Variants in METTL22 observed in about 807,000 individuals in gnomAD.
The protein encoded by METTL22 is methyltransferase 22, Kin17 lysine.
In METTL22, 51 loss-of-function variants were observed where a neutral mutation model predicts 48.4. That is an observed-to-expected ratio of 1.05 (90% CI 0.84 to 1.33). The LOEUF is 1.33. Among genes scored for constraint, METTL22 ranks in the 40% most tolerant of loss-of-function variants. METTL22 has a pLI of 0.00. For synonymous variants in METTL22, 255 were observed against 214.1 expected (o/e 1.19, Z -1.67); for missense variants, 678 against 526.9 (o/e 1.29, Z -2.81).
At chr16:8,641,245 T>C (rs566627390) in intron 7 of METTL22, 61 bp downstream of exon 7, 1 of 1,531,484 alleles carries the variant, frequency 6.5e-7, no homozygotes, top group South Asian at 1.1e-5. Context: ...AATACCTCAG[T>C]GCCCCTGGCT....
At chr16:8,665,334 G>A in the METTL22 span, among the ~76,000 whole-genome samples, 1 of 151,982 alleles carries the variant, frequency 6.6e-6, no homozygotes, top group African/African-American at 2.4e-5. Flanking sequence ...GAGGCTGAGA[G>A]AGACAAATGC....
intron 7 of METTL22, 45 bp from the exon 8 acceptor site, chr16:8,642,082 G>A (rs2056634878): frequency 4.1e-6 from 6 of 1,473,182 alleles, no homozygotes; most frequent in African/African-American, 2.8e-5. Context: ...TTGGTGGCCA[G>A]GAGAGAAGGC....
rs1474974354 is a variant in METTL22, at chr16:8,641,354, C to G, written c.826+170C>G. On this transcript the variant is annotated intron_variant, in intron 7 of 10. Transcript: ENST00000381920. The stretch of plus-strand genomic sequence containing the variant: ...GCCGATGAGCACCAGCTGTCATTCT[C>G]TGAGCGCCTGCTGCATGCTGGGCAC... 5 of 719,022 alleles carry G rather than the reference C, an allele frequency of 7.0e-6. No individual in the cohort carries two copies. In the Admixed American group the frequency reaches 1.0e-4, roughly 14 times the overall value. The allele number at this position is 719,022 out of a possible 1,614,324, so 44.5% of individuals were successfully genotyped here.
At chr16:8,663,225 A>AAAAAAAAAAAAAAAAGT in the METTL22 span, among the ~76,000 whole-genome samples, 1 of 123,468 alleles carries the variant, frequency 8.1e-6, no homozygotes. Context: ...AAAAAAAAAA[A>AAAAAAAAAAAAAAAAGT]GGTAGCCAAG....
At chr16:8,625,855 A>G (rs2056031813) in intron 2 of METTL22, 57 bp downstream of exon 2, 2 of 1,596,060 alleles carry the variant, frequency 1.3e-6, no homozygotes, top group Non-Finnish European at 1.7e-6. Context: ...GCTTTCTCAT[A>G]CTCATCTTTT....
At chr16:8,650,368 C>T (rs2056876931), downstream of METTL22, among the ~76,000 whole-genome samples, 1 of 152,184 alleles carries the variant, frequency 6.6e-6, no homozygotes, top group Admixed American at 6.5e-5. Flanking sequence ...TTGAGCAAGC[C>T]AGGGTTTAAA....
At chr16:8,650,203 A>G (rs1157794265), downstream of METTL22, among the ~76,000 whole-genome samples, 3 of 152,212 alleles carry the variant, frequency 2.0e-5, no homozygotes, top group Non-Finnish European at 4.4e-5. Flanking sequence ...ATGCACCTGT[A>G]CTCCCAGCTA....
chr16:8,663,593 A>C, the METTL22 span, among the ~76,000 whole-genome samples: 10 of 151,312 alleles, frequency 6.6e-5, no homozygotes, highest in African/African-American at 2.4e-4. Flanking sequence ...AGGTCCTCCC[A>C]CTCCTCCTAT....
downstream of METTL22, among the ~76,000 whole-genome samples, chr16:8,652,996 G>A (rs565218457): frequency 6.6e-6 from 1 of 152,310 alleles, no homozygotes; most frequent in Non-Finnish European, 1.5e-5. Context: ...ATTAAAGCCT[G>A]TTGCATCTCA....
At chr16:8,633,301 G>C (rs1374873135) in intron 3 of METTL22, among the ~76,000 whole-genome samples, 3 of 152,120 alleles carry the variant, frequency 2.0e-5, no homozygotes, top group African/African-American at 7.2e-5. Context: ...TCCCCAAGCA[G>C]GCTGAAGAGC....
At chr16:8,640,954 A>ATGGCTGGC (rs1317644436) in intron 6 of METTL22, among the ~76,000 whole-genome samples, 177 bp from the exon 7 acceptor site, 5 of 32,986 alleles carry the variant, frequency 1.5e-4, no homozygotes, top group South Asian at 1.7e-3. Context: ...GGGTGGGTGG[A>ATGGCTGGC]TGGCTGGCTG....
the METTL22 span, among the ~76,000 whole-genome samples, chr16:8,656,422 C>T: frequency 1.3e-5 from 2 of 152,204 alleles, no homozygotes; most frequent in Non-Finnish European, 2.9e-5. Flanking sequence ...AGACCTCAGG[C>T]ACCAACTGCA....
chr16:8,628,599 G>T, intron 2 of METTL22, 131 bp from the exon 3 acceptor site: 1 of 1,255,484 alleles, frequency 8.0e-7, no homozygotes. Context: ...CTTTTCTGCT[G>T]GCATTAGTAT....
At chr16:8,642,405 T>G (rs545557876) in intron 8 of METTL22, 58 bp from the exon 9 acceptor site, 1 of 1,540,058 alleles carries the variant, frequency 6.5e-7, no homozygotes, top group East Asian at 2.2e-5. Context: ...CTCTGAAAAG[T>G]CGATTTCTGT....
At chr16:8,623,597 C>T (rs1360158223) in intron 1 of METTL22, 2 of 152,230 alleles carry the variant, frequency 1.3e-5, no homozygotes, top group Admixed American at 1.3e-4. Flanking sequence ...TTCTCCATCA[C>T]TTTCAATGAC....
At chr16:8,642,871 G>A (rs2141803938) in intron 9 of METTL22, 1 of 424,576 alleles carries the variant, frequency 2.4e-6, no homozygotes, top group East Asian at 4.2e-5. Flanking sequence ...GACTGTACTG[G>A]AACCTCAACG....
the METTL22 span, among the ~76,000 whole-genome samples, chr16:8,656,309 G>A: frequency 6.6e-6 from 1 of 152,196 alleles, no homozygotes; most frequent in Non-Finnish European, 1.5e-5. Context: ...GTAGCAGGAT[G>A]CCACTTCCAG....
Position 8,628,710 on chromosome 16 carries a change from C to A in METTL22, c.134-20C>A. 1 of 1,567,774 alleles carries A rather than the reference C, an allele frequency of 6.4e-7. No homozygotes were observed. Among genetic ancestry groups the A allele is most frequent in the Non-Finnish European group, 8.6e-7 (1 of 1,158,874 alleles). On this transcript the variant is annotated intron_variant, in intron 2 of 10. Transcript: ENST00000381920. ...AAAACATCTTGGAATTCTCATTTTG[C>A]GTTCTGTCTTGCCTTTCAGTTTTCC...
At chr16:8,650,805 A>G (rs2056883208), downstream of METTL22, among the ~76,000 whole-genome samples, 1 of 152,198 alleles carries the variant, frequency 6.6e-6, no homozygotes, top group South Asian at 2.1e-4. Context: ...CAAATGGATC[A>G]CCTGAGGTCA....
Sources: allele counts gnomAD v4.1 joint callset (sites outside exome capture counted in the v4.1 genomes callset), GRCh38; gene constraint gnomAD v4.1.1; transcripts MANE v1.5; gene names NCBI Gene and HGNC (gene_info 2026-07-23, HGNC 2026-07-21).